The following PTPRN2 variants were observed in gnomAD, a reference collection of about 807,000 sequenced individuals.
The protein encoded by PTPRN2 is receptor-type tyrosine-protein phosphatase N2.
PTPRN2 carries 74 observed loss-of-function variants against 118.8 expected under a neutral mutation model. The observed-to-expected ratio is 0.62, with a 90% CI of 0.52 to 0.76. PTPRN2 has a LOEUF of 0.76. Ranked by LOEUF, PTPRN2 falls within the 30% of genes least tolerant of loss-of-function variation. PTPRN2 has a pLI of 0.00. For missense variants in PTPRN2, 1,481 were observed against 1,394.4 expected, an observed-to-expected ratio of 1.06 and a Z score of -0.99; for synonymous variants, 641 against 608.0, an observed-to-expected ratio of 1.05 and a Z score of -0.80.
At chr7:157,703,346 C>A (rs1798171734) in intron 12 of PTPRN2, among the ~76,000 whole-genome samples, 1 of 152,166 alleles carries the variant, frequency 6.6e-6, no homozygotes, top group African/African-American at 2.4e-5. Flanking sequence ...ACCTGGTGGA[C>A]AGGGCCCATG....
chr7:157,998,487 G>A (rs1804959229), intron 11 of PTPRN2, among the ~76,000 whole-genome samples: 1 of 152,204 alleles, frequency 6.6e-6, no homozygotes, highest in African/African-American at 2.4e-5. Context: ...TAGATGCTGT[G>A]TTGGACAGAG....
rs562171727 is a variant in PTPRN2 at position 157,784,412 on chromosome 7, G to T, written c.1789-101475C>A. On this transcript the variant is annotated intron_variant, in intron 12 of 22. Coordinates refer to ENST00000389418, the MANE Select transcript of PTPRN2 (RefSeq NM_002847.5). The surrounding 1 kb of genome is among the most constrained non-coding windows in gnomAD (Gnocchi z 4.6). Reference sequence around the variant, plus strand: ...GAGGAGGTGCTCCTAGCAAGATGCCGACCTGCAGCAGCGCCCACAAGGCTC... The same window carrying T: ...GAGGAGGTGCTCCTAGCAAGATGCCTACCTGCAGCAGCGCCCACAAGGCTC... 5.3e-5 allele frequency among the ~76,000 whole-genome samples: 8 copies of T among 152,178 alleles called. No homozygotes were observed. Among genetic ancestry groups the T allele is most frequent in the Admixed American group, 2.0e-4 (3 of 15,280 alleles).
At chr7:158,500,067 CTTTATT>C (rs887595112) in intron 1 of PTPRN2, among the ~76,000 whole-genome samples, 18 of 143,108 alleles carry the variant, frequency 1.3e-4, no homozygotes, top group African/African-American at 4.6e-4. Context: ...ATTTTGAAAA[CTTTATT>C]TTTAAGTGAT....
At chr7:158,285,721 G>A (rs996209142) in intron 3 of PTPRN2, among the ~76,000 whole-genome samples, 1 of 152,244 alleles carries the variant, frequency 6.6e-6, no homozygotes, top group African/African-American at 2.4e-5. Flanking sequence ...AATGAGGAGT[G>A]GAACAGCGTA....
chr7:157,786,564 A>G (rs941574431), intron 12 of PTPRN2, among the ~76,000 whole-genome samples: 5 of 152,156 alleles, frequency 3.3e-5, no homozygotes, highest in African/African-American at 9.7e-5. Context: ...GTCCCCAGGT[A>G]GTTGGTGACG....
intron 2 of PTPRN2, among the ~76,000 whole-genome samples, chr7:158,418,074 G>C (rs1287237140): frequency 5.3e-5 from 8 of 150,330 alleles, no homozygotes; most frequent in East Asian, 2.0e-4. Flanking sequence ...AGATGCTCTA[G>C]CTTTCAGTGT....
At chr7:158,122,097 T>A (rs1046514288) in intron 9 of PTPRN2, among the ~76,000 whole-genome samples, 5 of 152,158 alleles carry the variant, frequency 3.3e-5, no homozygotes, top group Non-Finnish European at 7.3e-5. Context: ...GCTTCCACCC[T>A]CAATACCTGG....
At chr7:158,008,358 A>G (rs2128866762) in intron 11 of PTPRN2, among the ~76,000 whole-genome samples, 1 of 152,314 alleles carries the variant, frequency 6.6e-6, no homozygotes, top group East Asian at 1.9e-4. Flanking sequence ...CAGGAGTGAG[A>G]CACCAAAACG....
intron 11 of PTPRN2, among the ~76,000 whole-genome samples, chr7:157,955,993 G>A (rs1265603201): frequency 2.0e-5 from 3 of 152,192 alleles, no homozygotes; most frequent in African/African-American, 4.8e-5. Flanking sequence ...TGACAGGTGC[G>A]TTTTCTCATC....
chr7:157,695,204 A>ATT (rs1235547789), intron 12 of PTPRN2, among the ~76,000 whole-genome samples: 2 of 152,202 alleles, frequency 1.3e-5, no homozygotes, highest in African/African-American at 4.8e-5. Flanking sequence ...ATTATCAAAG[A>ATT]AAATGTATTT....
intron 2 of PTPRN2, among the ~76,000 whole-genome samples, chr7:158,484,789 G>T (rs1820884297): frequency 6.6e-6 from 1 of 152,166 alleles, no homozygotes; most frequent in African/African-American, 2.4e-5. Context: ...CCCTTTCCAC[G>T]GCCGGACAGC....
intron 2 of PTPRN2, among the ~76,000 whole-genome samples, chr7:158,377,888 G>A (rs937135455): frequency 2.0e-5 from 3 of 152,188 alleles, no homozygotes; most frequent in African/African-American, 4.8e-5. Flanking sequence ...AGGGCCCGTG[G>A]CTACAACACA....
At chr7:158,020,556 G>A (rs913044839) in intron 11 of PTPRN2, among the ~76,000 whole-genome samples, 6 of 152,152 alleles carry the variant, frequency 3.9e-5, no homozygotes, top group South Asian at 2.1e-4. Context: ...AGGAGAGGCC[G>A]GCCCGGGGTC....
chr7:157,693,026 C>T (rs1481188661), intron 12 of PTPRN2, among the ~76,000 whole-genome samples: 1 of 151,972 alleles, frequency 6.6e-6, no homozygotes, highest in East Asian at 2.0e-4. Context: ...CAGGGCGACC[C>T]CAGGCCCGGC....
chr7:158,038,016 A>G (rs1354814577), intron 11 of PTPRN2, among the ~76,000 whole-genome samples: 1 of 152,152 alleles, frequency 6.6e-6, no homozygotes, highest in East Asian at 1.9e-4. Context: ...GGAGATGCTG[A>G]GGGGAGGGTC....
At chr7:157,552,034 G>A (rs1384308614) in intron 21 of PTPRN2, among the ~76,000 whole-genome samples, 1 of 131,804 alleles carries the variant, frequency 7.6e-6, no homozygotes, top group Admixed American at 7.6e-5. Flanking sequence ...ACCCACAGCT[G>A]GCACACACCC....
At chr7:158,075,205 A>T (rs1348753180) in intron 11 of PTPRN2, among the ~76,000 whole-genome samples, 2 of 152,132 alleles carry the variant, frequency 1.3e-5, no homozygotes, top group Non-Finnish European at 2.9e-5. Context: ...GCCAGAAGTA[A>T]TTACCTGGCT....
intron 2 of PTPRN2, among the ~76,000 whole-genome samples, chr7:158,409,112 A>T (rs1813818505): frequency 6.6e-6 from 1 of 152,180 alleles, no homozygotes; most frequent in Non-Finnish European, 1.5e-5. Flanking sequence ...TTCATTCATG[A>T]GAAGCCCCCG....
intron 5 of PTPRN2, among the ~76,000 whole-genome samples, chr7:158,175,721 A>G (rs1824129560): frequency 6.6e-6 from 1 of 152,178 alleles, no homozygotes; most frequent in Admixed American, 6.5e-5. Context: ...GACCCCAAAC[A>G]GTTTTCAGAG....
Sources: allele counts gnomAD v4.1 joint callset (sites outside exome capture counted in the v4.1 genomes callset), GRCh38; gene constraint gnomAD v4.1.1; non-coding constraint Gnocchi (gnomAD v3.1); transcripts MANE v1.5; gene names NCBI Gene and HGNC (gene_info 2026-07-23, HGNC 2026-07-21).